Variants in THSD7B observed in about 807,000 individuals in gnomAD.
The protein encoded by THSD7B is thrombospondin type-1 domain-containing protein 7B.
In THSD7B, 138 loss-of-function variants were observed where a neutral mutation model predicts 213.6. The ratio of observed to expected loss-of-function variants is 0.65; its 90% confidence interval spans 0.56 to 0.74. The LOEUF (loss-of-function observed/expected upper bound fraction) is 0.74, where lower values mean the gene tolerates loss of function less well. THSD7B is among the 30% of genes least tolerant of loss of function. The pLI, the probability that THSD7B is intolerant of heterozygous loss-of-function variation, is 0.00. For synonymous variants in THSD7B, 742 were observed against 687.0 expected, an observed-to-expected ratio of 1.08 and a Z score of -1.25; for missense variants, 1,931 against 1,991.5, an observed-to-expected ratio of 0.97 and a Z score of 0.58.
chr2:137,141,757 C>G (rs1359338835), intron 5 of THSD7B, among the ~76,000 whole-genome samples: 1 of 151,980 alleles, frequency 6.6e-6, no homozygotes, highest in Non-Finnish European at 1.5e-5. Context: ...TCACCATCTG[C>G]TGGCAATTCT....
At chr2:137,232,128 G>C (rs1340289034) in intron 8 of THSD7B, among the ~76,000 whole-genome samples, 1 of 152,064 alleles carries the variant, frequency 6.6e-6, no homozygotes, top group Non-Finnish European at 1.5e-5. Flanking sequence ...TGGGCATTTG[G>C]GCCACTGAAT....
chr2:137,655,326 G>T (rs1683213864), intron 21 of THSD7B, among the ~76,000 whole-genome samples, 175 bp from the exon 22 acceptor site: 1 of 152,158 alleles, frequency 6.6e-6, no homozygotes, highest in Admixed American at 6.5e-5. Context: ...TTCTCTATCA[G>T]CTCTGGCAGT....
chr2:137,024,866 C>A (rs570405481), intron 2 of THSD7B, among the ~76,000 whole-genome samples: 1 of 152,080 alleles, frequency 6.6e-6, no homozygotes, highest in Admixed American at 6.6e-5. Context: ...GTATGCAAAC[C>A]CTTTCAGCTT....
chr2:137,310,126 GTGTAA>G (rs1683858800), intron 12 of THSD7B, among the ~76,000 whole-genome samples: 1 of 152,050 alleles, frequency 6.6e-6, no homozygotes, highest in Non-Finnish European at 1.5e-5. Flanking sequence ...CCCACCAACA[GTGTAA>G]TAGTGTTCCT....
At chr2:137,603,281 T>G (rs1682109776) in intron 17 of THSD7B, among the ~76,000 whole-genome samples, 2 of 152,236 alleles carry the variant, frequency 1.3e-5, no homozygotes, top group Non-Finnish European at 2.9e-5. Flanking sequence ...GGGGTAAATC[T>G]GAGTGAAGAG....
chr2:137,316,501 C>T lies in THSD7B; in HGVS notation c.2500+40475C>T, dbSNP rs371100010. Among the ~76,000 whole-genome samples, 8 of 152,168 alleles carry T rather than the reference C, an allele frequency of 5.3e-5. No homozygotes were observed. The East Asian group carries it at 9.7e-4, about 18-fold the overall frequency. ...GCTGTTAAGAAAAGGTGAGGCTGGG[C>T]GTGGTGGCTCACGCCTGTAATCCCA... On this transcript the variant is annotated intron_variant, in intron 12 of 27. Transcript: ENST00000409968.
chr2:137,249,294 C>T lies in THSD7B; in HGVS notation c.2266+6722C>T, dbSNP rs181489977. On this transcript the variant is annotated intron_variant, in intron 10 of 27. Transcript: ENST00000409968. ...GATCTTCTGCCTGTCTTTATTAAAACCCCGCATAAGAAGTTATCAGATTTG... is the reference window on the plus strand; with the variant it reads ...GATCTTCTGCCTGTCTTTATTAAAATCCCGCATAAGAAGTTATCAGATTTG... Among the ~76,000 whole-genome samples the T allele has an allele frequency of 3.9e-4, 59 of 151,762 alleles. 1 individual carries two copies. The South Asian group carries it at 1.0e-2, about 26-fold the overall frequency.
At chr2:137,353,592 G>T (rs910997247) in intron 12 of THSD7B, among the ~76,000 whole-genome samples, 1 of 152,062 alleles carries the variant, frequency 6.6e-6, no homozygotes, top group African/African-American at 2.4e-5. Context: ...ATCTTCTAAA[G>T]CTCACTGTAG....
intron 14 of THSD7B, among the ~76,000 whole-genome samples, chr2:137,438,503 G>A (rs1332564825): frequency 1.3e-5 from 2 of 152,036 alleles, no homozygotes; most frequent in Non-Finnish European, 2.9e-5. Context: ...GCTTGTTGCG[G>A]TGTGAAAGCA....
At chr2:137,640,787 CATAAT>C (rs1338896864) in intron 20 of THSD7B, among the ~76,000 whole-genome samples, 1 of 152,196 alleles carries the variant, frequency 6.6e-6, no homozygotes, top group East Asian at 1.9e-4. Context: ...TTGCATATAA[CATAAT>C]ATCACATCAA....
intron 7 of THSD7B, among the ~76,000 whole-genome samples, chr2:137,171,436 AAGAACTGTTTTT>A (rs1680249599): frequency 6.6e-6 from 1 of 152,204 alleles, no homozygotes; most frequent in South Asian, 2.1e-4. Context: ...AACATTTCCA[AAGAACTGTTTTT>A]AAATACAAGT....
At chr2:136,981,368 G>C (rs1283659533) in intron 2 of THSD7B, among the ~76,000 whole-genome samples, 1 of 152,100 alleles carries the variant, frequency 6.6e-6, no homozygotes, top group African/African-American at 2.4e-5. Flanking sequence ...ATACACTATG[G>C]GCCCTGGGAT....
chr2:137,472,936 C>A (rs1278822231), intron 15 of THSD7B, among the ~76,000 whole-genome samples: 1 of 152,040 alleles, frequency 6.6e-6, no homozygotes, highest in African/African-American at 2.4e-5. Flanking sequence ...TACATAGTAT[C>A]AAAAATCATA....
chr2:137,057,331 G>T, intron 3 of THSD7B, 101 bp downstream of exon 3: 1 of 1,209,008 alleles, frequency 8.3e-7, no homozygotes, highest in Non-Finnish European at 1.1e-6. Context: ...AAATGGCAAC[G>T]AGGTTTATAA....
chr2:137,422,293 A>G (rs74993843), intron 14 of THSD7B, among the ~76,000 whole-genome samples: 5,649 of 152,178 alleles, frequency 0.037, 146 homozygotes, highest in Non-Finnish European at 0.052. Flanking sequence ...TAAAATTAGT[A>G]TTTCCTTTTA....
chr2:137,186,458 C>A (rs528888438), intron 7 of THSD7B, among the ~76,000 whole-genome samples: 5 of 151,308 alleles, frequency 3.3e-5, no homozygotes, highest in African/African-American at 9.9e-5. Flanking sequence ...AGACAGTTAT[C>A]CCAGCACCAT....
At chr2:136,795,677 G>T (rs775087347) in intron 1 of THSD7B, among the ~76,000 whole-genome samples, 1 of 151,750 alleles carries the variant, frequency 6.6e-6, no homozygotes, top group Non-Finnish European at 1.5e-5. Flanking sequence ...ATGAGTTCAG[G>T]TCTACCATCT....
At chr2:137,095,337 C>G (rs1688021736) in intron 4 of THSD7B, among the ~76,000 whole-genome samples, 1 of 152,108 alleles carries the variant, frequency 6.6e-6, no homozygotes, top group South Asian at 2.1e-4. Context: ...TCTAATTATA[C>G]AAATTTCTTC....
chr2:137,111,549 G>T (rs2104934955), intron 4 of THSD7B, among the ~76,000 whole-genome samples: 1 of 152,246 alleles, frequency 6.6e-6, no homozygotes, highest in Middle Eastern at 3.4e-3. Context: ...TGTAAAAGGA[G>T]AAATAAGATT....
Sources: allele counts gnomAD v4.1 joint callset (sites outside exome capture counted in the v4.1 genomes callset), GRCh38; gene constraint gnomAD v4.1.1; transcripts MANE v1.5; gene names NCBI Gene and HGNC (gene_info 2026-07-23, HGNC 2026-07-21).